OPA3: variants seen among roughly 807,000 people sequenced by gnomAD.
OPA3 encodes outer mitochondrial membrane lipid metabolism regulator OPA3.
Under a neutral mutation model 4.0 loss-of-function variants are expected in OPA3, and 6 were observed. That is an observed-to-expected ratio of 1.51 (90% CI 0.83 to 2.99). The LOEUF (loss-of-function observed/expected upper bound fraction) is 2.99, where lower values mean the gene tolerates loss of function less well. Ranked by LOEUF, OPA3 falls within the 30% of genes most tolerant of loss-of-function variation. The probability of loss-of-function intolerance (pLI) is 0.00; values close to 1 mark genes in which losing one functional copy is unlikely to be tolerated. For missense variants in OPA3, 235 were observed against 256.2 expected (o/e 0.92, Z 0.56); for synonymous variants, 105 against 117.1 (o/e 0.90, Z 0.67).
At chr19:45,528,843 C>T (rs1009842821) in exon 2 of OPA3, 55 of 561,740 alleles carry the variant, frequency 9.8e-5, no homozygotes, top group Non-Finnish European at 1.6e-4. Context: ...AACGTTCCAC[C>T]TGCAGGAGGC....
At chr19:45,543,714 G>A (rs1238586537), downstream of OPA3, among the ~76,000 whole-genome samples, 2 of 151,974 alleles carry the variant, frequency 1.3e-5, no homozygotes, top group Admixed American at 1.3e-4. Context: ...CAATCCTCCC[G>A]CCTCAGCCTC....
chr19:45,549,051 C>T lies in OPA3; in HGVS notation c.*4463G>A. On this transcript the variant is annotated 3_prime_UTR_variant, in exon 2 of 2. Transcript: ENST00000263275. ...AACTCCTGACCTCAGGTGATCCACC[C>T]ACCCTGGCCTCCCAAAGTGCTAGGA... is the stretch of plus-strand genomic sequence containing the variant. 2.2e-6 allele frequency: 2 copies of T among 889,004 alleles called. No homozygotes were observed. The highest frequency in any genetic ancestry group is 1.3e-6 in the Non-Finnish European group (1 of 742,118). The allele number at this position is 889,004 out of a possible 1,614,324, so 55.1% of individuals were successfully genotyped here.
At position 45,550,860 on chromosome 19, in the gene OPA3, T is replaced by C. The variant is rs757365326; in HGVS notation, c.*2654A>G. 10 of 985,890 alleles carry C rather than the reference T, an allele frequency of 1.0e-5. No homozygotes were observed. The South Asian group carries it at 3.3e-4, about 32-fold the overall frequency. The allele number at this position is 985,890 out of a possible 1,614,324, so 61.1% of individuals were successfully genotyped here. ...TGGGACCCACCCCCTCCCGCTTCAG[T>C]GGCAGATCCTGGAAGAGAAACCCAG... On this transcript the variant is annotated 3_prime_UTR_variant, in exon 2 of 2. Transcript: ENST00000263275.
chr19:45,529,072 G>C (rs1425337067), exon 2 of OPA3: 3 of 1,599,026 alleles, frequency 1.9e-6, no homozygotes, highest in Admixed American at 3.4e-5. Flanking sequence ...CTCGGACGCC[G>C]GCGCAACTGG....
chr19:45,548,553 A>G lies in OPA3; in HGVS notation c.*4961T>C, dbSNP rs902923256. 1 of 985,308 alleles carries G rather than the reference A, an allele frequency of 1.0e-6. No homozygotes were observed. The highest frequency in any genetic ancestry group is 1.7e-5 in the African/African-American group (1 of 57,230). 61.0% of individuals were successfully genotyped at this position (985,308 alleles called of 1,614,324 possible). A position where few individuals can be genotyped will look rare whatever the true frequency, so the allele number is the denominator to read the frequency against. ...AAGAAATGTACGTGTGAGCATCTGT[A>G]AGACCCGGTGACGGCAGGGCTGGGG... is the stretch of plus-strand genomic sequence containing the variant. On this transcript the variant is annotated 3_prime_UTR_variant, in exon 2 of 2. Coordinates refer to ENST00000263275, the MANE Select transcript of OPA3 (RefSeq NM_025136.4).
intron 1 of OPA3, among the ~76,000 whole-genome samples, chr19:45,535,962 C>T (rs1477932869): frequency 6.6e-6 from 1 of 151,774 alleles, no homozygotes; most frequent in Non-Finnish European, 1.5e-5. Flanking sequence ...TGTGATGGCT[C>T]ATGCCTGCAA....
At chr19:45,583,174 G>A (rs28636484) in intron 1 of OPA3, among the ~76,000 whole-genome samples, 4,314 of 151,030 alleles carry the variant, frequency 0.029, 198 homozygotes, top group African/African-American at 0.097. Context: ...TTTTGGAGAC[G>A]GAGTCTTGCT....
At chr19:45,583,251 C>G (rs1433649478) in intron 1 of OPA3, among the ~76,000 whole-genome samples, 8 of 151,692 alleles carry the variant, frequency 5.3e-5, no homozygotes, top group Admixed American at 5.3e-4. Context: ...TCCGGGTTCA[C>G]GCCATTCTCC....
At chr19:45,565,487 G>A (rs754767377) in intron 1 of OPA3, among the ~76,000 whole-genome samples, 8 of 151,664 alleles carry the variant, frequency 5.3e-5, no homozygotes, top group Non-Finnish European at 1.0e-4. Flanking sequence ...AAAATTAGCC[G>A]GGCATGGTGG....
At position 45,548,203 on chromosome 19, in the gene OPA3, C is replaced by T; in HGVS notation, c.*5311G>A. ...GCCACTGGGGGACCCAAGCCTGCCACTCAGCAACACAGCGACCAGCCCAGG... is the reference window on the plus strand; with the variant it reads ...GCCACTGGGGGACCCAAGCCTGCCATTCAGCAACACAGCGACCAGCCCAGG... On this transcript the variant is annotated 3_prime_UTR_variant, in exon 2 of 2. Coordinates refer to ENST00000263275, the MANE Select transcript of OPA3 (RefSeq NM_025136.4). 1.0e-6 allele frequency: 1 copy of T among 986,104 alleles called. No homozygotes were observed. Among genetic ancestry groups the T allele is most frequent in the Non-Finnish European group, 1.2e-6 (1 of 830,344 alleles). The allele number at this position is 986,104 out of a possible 1,614,324, so 61.1% of individuals were successfully genotyped here. A position where few individuals can be genotyped will look rare whatever the true frequency, so the allele number is the denominator to read the frequency against.
intron 1 of OPA3, among the ~76,000 whole-genome samples, chr19:45,559,432 C>T (rs548309077): frequency 2.7e-5 from 3 of 109,116 alleles, no homozygotes; most frequent in South Asian, 3.2e-4. Context: ...GATGGAGTCT[C>T]GCCATGCTGT....
chr19:45,573,624 G>A (rs1393652405), intron 1 of OPA3, among the ~76,000 whole-genome samples: 1 of 152,138 alleles, frequency 6.6e-6, no homozygotes, highest in Non-Finnish European at 1.5e-5. Flanking sequence ...CACACAGAAA[G>A]TGGCAGAGCG....
At chr19:45,568,299 C>T (rs985965320) in intron 1 of OPA3, among the ~76,000 whole-genome samples, 11 of 152,174 alleles carry the variant, frequency 7.2e-5, no homozygotes, top group African/African-American at 2.4e-4. Context: ...AAGCCACCCT[C>T]CTGCCTCAGC....
chr19:45,548,259 G>T lies in OPA3; in HGVS notation c.*5255C>A. 1 of 985,516 alleles carries T rather than the reference G, an allele frequency of 1.0e-6. No individual in the cohort carries two copies. Among genetic ancestry groups the T allele is most frequent in the Non-Finnish European group, 1.2e-6 (1 of 829,950 alleles). The allele number at this position is 985,516 out of a possible 1,614,324, so 61.0% of individuals were successfully genotyped here. A position where few individuals can be genotyped will look rare whatever the true frequency, so the allele number is the denominator to read the frequency against. On this transcript the variant is annotated 3_prime_UTR_variant, in exon 2 of 2. Transcript: ENST00000263275. ...CTCCGTGAGCCAATAGATCAGGTTG[G>T]GGCTTATGTAAAGCCCATTTTCTCC...
chr19:45,543,002 GTTTA>G (rs34569348), downstream of OPA3, among the ~76,000 whole-genome samples: 38 of 149,490 alleles, frequency 2.5e-4, no homozygotes, highest in Middle Eastern at 3.4e-3. Context: ...TATTTTGTTT[GTTTA>G]TTTATTTATT....
intron 1 of OPA3, among the ~76,000 whole-genome samples, chr19:45,537,611 AG>A (rs1267819874): frequency 6.6e-6 from 1 of 151,768 alleles, no homozygotes. Flanking sequence ...CTCACAAAAG[AG>A]GATGGTATCT....
At chr19:45,553,996 G>C in intron 1 of OPA3, 85 bp from the exon 2 acceptor site, 1 of 1,148,316 alleles carries the variant, frequency 8.7e-7, no homozygotes, top group South Asian at 1.5e-5. Flanking sequence ...CAGTCACCTA[G>C]CCTGGGTAAC....
Position 45,548,902 on chromosome 19 carries a change from C to A in OPA3, c.*4612G>T. The A allele has an allele frequency of 2.7e-6, 1 of 364,312 alleles. No homozygotes were observed. The highest frequency in any genetic ancestry group is 3.8e-6 in the Non-Finnish European group (1 of 262,748). 22.6% of individuals were successfully genotyped at this position (364,312 alleles called of 1,614,324 possible). A position where few individuals can be genotyped will look rare whatever the true frequency, so the allele number is the denominator to read the frequency against. ...CACTGCAACCTCCGCCTCCCGGGTCCAAGAGATTCTCCTGCCTCAGCCTCC... is the reference window on the plus strand; with the variant it reads ...CACTGCAACCTCCGCCTCCCGGGTCAAAGAGATTCTCCTGCCTCAGCCTCC... On this transcript the variant is annotated 3_prime_UTR_variant, in exon 2 of 2. Coordinates refer to ENST00000263275, the MANE Select transcript of OPA3 (RefSeq NM_025136.4).
Position 45,553,598 on chromosome 19 carries a change from C to T in OPA3, c.456G>A (p.Leu152=). ...CGCGCACCTCTTGCAGCTCTGTGCGCAGTTCCTCCAGGGCGCCCTGTGGCG... is the reference window on the plus strand; with the variant it reads ...CGCGCACCTCTTGCAGCTCTGTGCGTAGTTCCTCCAGGGCGCCCTGTGGCG... ...AAPPQGALEE[L]RTELQEVRAQ... The change falls in exon 2 of 2, where the codon CTG becomes CTA. Residue 152 remains leucine (L), a synonymous_variant. Transcript: ENST00000263275. 2 of 1,611,484 alleles carry T rather than the reference C, an allele frequency of 1.2e-6. No individual in the cohort carries two copies.
Sources: gnomAD v4.1 joint callset for allele counts (sites outside exome capture counted in the v4.1 genomes callset) on GRCh38, gnomAD v4.1.1 for gene constraint, MANE v1.5 for transcripts, NCBI Gene and HGNC (gene_info 2026-07-23, HGNC 2026-07-21) for gene names.